GSTA4: variants seen among roughly 807,000 people sequenced by gnomAD.
GSTA4 encodes glutathione S-transferase A4.
In GSTA4, 15 loss-of-function variants were observed where a neutral mutation model predicts 24.4. That is an observed-to-expected ratio of 0.61 (90% CI 0.41 to 0.95). GSTA4 has a LOEUF of 0.95. Ranked by LOEUF, GSTA4 falls within the 40% of genes least tolerant of loss-of-function variation. The probability of loss-of-function intolerance (pLI) is 0.00; values close to 1 mark genes in which losing one functional copy is unlikely to be tolerated. For missense variants in GSTA4, 244 were observed against 262.1 expected (o/e 0.93, Z 0.48); for synonymous variants, 92 against 94.2 (o/e 0.98, Z 0.13).
intron 4 of GSTA4, 78 bp from the exon 5 acceptor site, chr6:52,984,683 C>CTT (rs11444456): frequency 0.015 from 11,420 of 786,778 alleles, 14 homozygotes; most frequent in African/African-American, 0.024. Context: ...ATTCAGAGTG[C>CTT]TTTTTTTTTT....
chr6:52,980,137 T>C (rs900839665), intron 6 of GSTA4, among the ~76,000 whole-genome samples: 1 of 152,186 alleles, frequency 6.6e-6, no homozygotes, highest in African/African-American at 2.4e-5. Flanking sequence ...CAATGTAAAA[T>C]ACCAATAGGT....
At position 52,985,599 on chromosome 6, in the gene GSTA4, C is replaced by A; in HGVS notation, c.140-16G>T. The stretch of plus-strand genomic sequence containing the variant: ...AGGTGGTTACCTGAGAATGGAAGCC[C>A]AGAGTTAGAAGTGATCTTTTCTTCT... On this transcript the variant is annotated splice_polypyrimidine_tract_variant and intron_variant, in intron 3 of 6. Transcript: ENST00000370963. 2 of 1,613,480 alleles carry A rather than the reference C, an allele frequency of 1.2e-6. No individual in the cohort carries two copies. Among genetic ancestry groups the A allele is most frequent in the Non-Finnish European group, 1.7e-6 (2 of 1,179,530 alleles).
chr6:52,983,070 C>T (rs1763485224), intron 5 of GSTA4, among the ~76,000 whole-genome samples: 1 of 152,094 alleles, frequency 6.6e-6, no homozygotes, highest in Non-Finnish European at 1.5e-5. Context: ...AATGTATCTA[C>T]AGAAATGCAT....
intron 2 of GSTA4, chr6:52,987,944 C>T (rs950350700): frequency 6.6e-6 from 1 of 152,088 alleles, no homozygotes; most frequent in Non-Finnish European, 1.5e-5. Flanking sequence ...AAAAAGATAT[C>T]CTCACCCTCC....
At chr6:52,980,053 C>T (rs1379442165) in intron 6 of GSTA4, among the ~76,000 whole-genome samples, 3 of 152,180 alleles carry the variant, frequency 2.0e-5, no homozygotes, top group Non-Finnish European at 2.9e-5. Flanking sequence ...GATGCTCAAT[C>T]TGATCACAGA....
chr6:52,990,123 G>A (rs1345205923), intron 2 of GSTA4, among the ~76,000 whole-genome samples: 1 of 152,162 alleles, frequency 6.6e-6, no homozygotes, highest in Non-Finnish European at 1.5e-5. Flanking sequence ...GGGTTTTAAG[G>A]GGTCTTCGGG....
intron 5 of GSTA4, 59 bp downstream of exon 5, chr6:52,984,405 A>C: frequency 2.0e-6 from 3 of 1,501,914 alleles, no homozygotes; most frequent in Non-Finnish European, 1.8e-6. Flanking sequence ...TGTTTGTGGC[A>C]GCTTCTTTGT....
At chr6:52,994,750 T>C (rs776812153) in intron 1 of GSTA4, among the ~76,000 whole-genome samples, 1 of 152,186 alleles carries the variant, frequency 6.6e-6, no homozygotes, top group Non-Finnish European at 1.5e-5. Context: ...CGAGTACTAC[T>C]ACTGTCTGCA....
chr6:52,992,376 C>T (rs1763676404), intron 2 of GSTA4, among the ~76,000 whole-genome samples: 1 of 152,166 alleles, frequency 6.6e-6, no homozygotes, highest in Admixed American at 6.5e-5. Flanking sequence ...TGTAGATACT[C>T]CCTCACCCAG....
intron 5 of GSTA4, among the ~76,000 whole-genome samples, chr6:52,983,471 G>C (rs1763492211): frequency 6.6e-6 from 1 of 152,198 alleles, no homozygotes; most frequent in Non-Finnish European, 1.5e-5. Context: ...ATAGCTACTG[G>C]AGCCAGAGTG....
At chr6:52,991,832 A>C (rs1358927961) in intron 2 of GSTA4, among the ~76,000 whole-genome samples, 3 of 142,854 alleles carry the variant, frequency 2.1e-5, no homozygotes, top group African/African-American at 5.4e-5. Flanking sequence ...ATCTCGGCTC[A>C]CTGCAACCCC....
At chr6:52,986,372 T>C (rs1435457421) in intron 3 of GSTA4, among the ~76,000 whole-genome samples, 4 of 152,236 alleles carry the variant, frequency 2.6e-5, no homozygotes, top group African/African-American at 7.2e-5. Flanking sequence ...TAGAATGTTC[T>C]GCTGGACAGC....
chr6:52,987,476 T>A, intron 2 of GSTA4, 68 bp from the exon 3 acceptor site: 1 of 832,016 alleles, frequency 1.2e-6, no homozygotes, highest in Admixed American at 2.2e-5. Flanking sequence ...GAAAACAAAA[T>A]CCTGTCATTT....
At chr6:52,986,816 G>A (rs2127386022) in intron 3 of GSTA4, among the ~76,000 whole-genome samples, 1 of 152,336 alleles carries the variant, frequency 6.6e-6, no homozygotes, top group Non-Finnish European at 1.5e-5. Context: ...GGGTTGATGG[G>A]CGCATTCTTT....
intron 2 of GSTA4, chr6:52,988,084 C>G (rs1763596706): frequency 6.6e-6 from 1 of 152,144 alleles, no homozygotes; most frequent in East Asian, 1.9e-4. Context: ...CTAAAAGGAA[C>G]TAGGGGTCCT....
chr6:52,978,654 T>C (rs1270745822), intron 6 of GSTA4, 62 bp from the exon 7 acceptor site: 5 of 1,300,558 alleles, frequency 3.8e-6, no homozygotes, highest in Admixed American at 2.3e-5. Context: ...TACGAAGATA[T>C]GGTTATGCAA....
At chr6:52,987,132 G>A (rs1040828273) in intron 3 of GSTA4, among the ~76,000 whole-genome samples, 1 of 152,088 alleles carries the variant, frequency 6.6e-6, no homozygotes, top group African/African-American at 2.4e-5. Context: ...GCTGTTCACC[G>A]GGATGTGGAA....
chr6:52,985,894 T>C (rs1763544449), intron 3 of GSTA4, among the ~76,000 whole-genome samples: 1 of 151,922 alleles, frequency 6.6e-6, no homozygotes, highest in South Asian at 2.1e-4. Context: ...CTACTAGATA[T>C]ACAAAAATTA....
intron 1 of GSTA4, 197 bp from the exon 2 acceptor site, chr6:52,994,458 A>G (rs1763727632): frequency 3.8e-6 from 2 of 531,960 alleles, no homozygotes; most frequent in Admixed American, 3.2e-5. Flanking sequence ...TGGCTTTTAT[A>G]TGATTTCTAT....
Sources: gnomAD v4.1 joint callset for allele counts (sites outside exome capture counted in the v4.1 genomes callset) on GRCh38, gnomAD v4.1.1 for gene constraint, MANE v1.5 for transcripts, NCBI Gene and HGNC (gene_info 2026-07-23, HGNC 2026-07-21) for gene names.